The following NUP133 variants were observed in gnomAD, a reference collection of about 807,000 sequenced individuals.
NUP133 encodes the protein nucleoporin 133, also known as nuclear pore complex protein Nup133.
Under a neutral mutation model 146.2 loss-of-function variants are expected in NUP133, and 66 were observed. The ratio of observed to expected loss-of-function variants is 0.45; its 90% CI spans 0.37 to 0.55. The LOEUF (loss-of-function observed/expected upper bound fraction) is 0.55. NUP133 is among the 20% of genes least tolerant of loss of function. NUP133 has a pLI of 0.00. For synonymous variants in NUP133, 521 were observed against 498.8 expected, an observed-to-expected ratio of 1.04 and a Z score of -0.59; for missense variants, 1,277 against 1,374.8, an observed-to-expected ratio of 0.93 and a Z score of 1.12.
rs1661936427 is a variant in NUP133 at position 229,506,371 on chromosome 1, G to T, written c.183-213C>A. Among the ~76,000 whole-genome samples, 2 of 147,752 alleles carry T rather than the reference G, an allele frequency of 1.4e-5. 1 individual carries two copies. The highest frequency in any genetic ancestry group is 4.3e-4 in the South Asian group (2 of 4,696). The stretch of plus-strand genomic sequence containing the variant: ...CTTCAATCCCATAGACTCTAGTATT[G>T]AAATGCATGCCTGTATTCACTTAAA... On this transcript the variant is annotated intron_variant, in intron 1 of 25. Transcript: ENST00000261396.
intron 11 of NUP133, among the ~76,000 whole-genome samples, chr1:229,484,484 C>T (rs1661298603): frequency 6.6e-6 from 1 of 152,150 alleles, no homozygotes; most frequent in Non-Finnish European, 1.5e-5. Context: ...AAGCTTGGTC[C>T]ATACCAATTA....
At chr1:229,487,669 T>C (rs1661395748) in intron 9 of NUP133, 56 bp from the exon 10 acceptor site, 35 of 1,347,760 alleles carry the variant, frequency 2.6e-5, no homozygotes, top group Non-Finnish European at 3.2e-5. Context: ...AATATTTGTA[T>C]GATTTTTTAA....
chr1:229,482,985 T>G (rs1027191730), intron 12 of NUP133, among the ~76,000 whole-genome samples: 1 of 152,196 alleles, frequency 6.6e-6, no homozygotes, highest in Admixed American at 6.5e-5. Flanking sequence ...AAAGTAAAAC[T>G]GCCCCGAGTC....
intron 10 of NUP133, among the ~76,000 whole-genome samples, 156 bp downstream of exon 10, chr1:229,487,309 AG>A (rs1661378385): frequency 6.6e-6 from 1 of 152,118 alleles, no homozygotes. Flanking sequence ...TTGGTTTCTT[AG>A]TAGGGTTATG....
intron 11 of NUP133, among the ~76,000 whole-genome samples, chr1:229,485,667 G>A (rs529533249): frequency 6.6e-6 from 1 of 152,264 alleles, no homozygotes; most frequent in African/African-American, 2.4e-5. Flanking sequence ...ATCAACAGAT[G>A]CATCAGGAGA....
chr1:229,448,810 G>T, intron 24 of NUP133: 1 of 350,330 alleles, frequency 2.9e-6, no homozygotes, highest in Non-Finnish European at 5.2e-6. Flanking sequence ...CAAACCCAAG[G>T]AGGGGGTTGT....
intron 20 of NUP133, 98 bp from the exon 21 acceptor site, chr1:229,458,394 G>T: frequency 8.4e-7 from 1 of 1,191,842 alleles, no homozygotes; most frequent in African/African-American, 1.5e-5. Flanking sequence ...CCCCTAAGCC[G>T]TATCAATGAA....
At chr1:229,487,838 A>ATTTT (rs10565327) in intron 9 of NUP133, among the ~76,000 whole-genome samples, 10 of 118,162 alleles carry the variant, frequency 8.5e-5, no homozygotes, top group South Asian at 2.6e-4. Flanking sequence ...TGCTTTTTTA[A>ATTTT]TTTTTTTTTT....
intron 20 of NUP133, 110 bp from the exon 21 acceptor site, chr1:229,458,406 G>T: frequency 9.4e-7 from 1 of 1,063,334 alleles, no homozygotes; most frequent in Non-Finnish European, 1.3e-6. Flanking sequence ...ATCAATGAAT[G>T]AGAAGTCAAC....
At position 229,464,735 on chromosome 1, in the gene NUP133, C is replaced by A. The variant is rs1253715546; in HGVS notation, c.2440G>T (p.Asp814Tyr). Residue 814 changes from aspartate to tyrosine, a missense_variant, in exon 18 of 26, where the codon GAT becomes TAT. By Grantham distance (160) the Asp-to-Tyr change is radical. This residue lies in a region of NUP133 where 952 missense variants were observed against 1,047.0 expected (regional missense o/e 0.91). Coordinates refer to ENST00000261396, the MANE Select transcript of NUP133 (RefSeq NM_018230.3). Reference sequence around the variant, plus strand: ...GACTTAAGCTGAGAAACATAACCATCCAGGAAGCAATCGATCAGGGCTACC... The same window carrying A: ...GACTTAAGCTGAGAAACATAACCATACAGGAAGCAATCGATCAGGGCTACC... ...QLVALIDCFL[D>Y]GYVSQLKSVD... The A allele has an allele frequency of 6.2e-7, 1 of 1,614,068 alleles. No individual in the cohort carries two copies. Among genetic ancestry groups the A allele is most frequent in the Non-Finnish European group, 8.5e-7 (1 of 1,180,056 alleles).
In NUP133 at chr1:229,494,445, T is replaced by G. The variant is rs146562808; in HGVS notation, c.1046+1050A>C. ...GAATTTGTTCTACTAACCCAAAACA[T>G]GTAACAAGAACAGTAAAAATTACTC... On this transcript the variant is annotated intron_variant, in intron 8 of 25. Coordinates refer to ENST00000261396, the MANE Select transcript of NUP133 (RefSeq NM_018230.3). Among the ~76,000 whole-genome samples, 1,151 of 152,280 alleles carry G rather than the reference T, an allele frequency of 7.6e-3. 8 individuals carry two copies. Among genetic ancestry groups the G allele is most frequent in the Middle Eastern group, 0.034 (10 of 294 alleles).
intron 8 of NUP133, among the ~76,000 whole-genome samples, chr1:229,490,947 T>C (rs1178083089): frequency 2.2e-5 from 3 of 136,710 alleles, no homozygotes; most frequent in African/African-American, 8.2e-5. Flanking sequence ...TGACACCCCA[T>C]CTTAAAAAAA....
chr1:229,463,400 C>T (rs1479162674), intron 19 of NUP133, 143 bp downstream of exon 19: 4 of 947,438 alleles, frequency 4.2e-6, no homozygotes, highest in African/African-American at 1.7e-5. Context: ...ACGCGACATA[C>T]AAATTAGTAT....
intron 12 of NUP133, 88 bp downstream of exon 12, chr1:229,483,966 C>G: frequency 1.2e-6 from 1 of 851,590 alleles, no homozygotes; most frequent in Non-Finnish European, 1.9e-6. Context: ...ATTCCTCCAA[C>G]TTGCTCCCAC....
At chr1:229,477,893 T>C in intron 12 of NUP133, 133 bp from the exon 13 acceptor site, 1 of 619,874 alleles carries the variant, frequency 1.6e-6, no homozygotes, top group Non-Finnish European at 2.8e-6. Context: ...ACAGTAGGGA[T>C]GGAACTGGAG....
In NUP133 at chr1:229,441,798, T is replaced by G; in HGVS notation, c.*106A>C. 2.2e-6 allele frequency: 2 copies of G among 905,904 alleles called. No individual in the cohort carries two copies. Among genetic ancestry groups the G allele is most frequent in the Non-Finnish European group, 3.3e-6 (2 of 603,036 alleles). The allele number at this position is 905,904 out of a possible 1,614,324, so 56.1% of individuals were successfully genotyped here. A position where few individuals can be genotyped will look rare whatever the true frequency, so the allele number is the denominator to read the frequency against. ...TACATATAAAGTATAAAAACTCAGC[T>G]ATACATGTTATGAAATTGTACAAAC... On this transcript the variant is annotated 3_prime_UTR_variant, in exon 26 of 26. Transcript: ENST00000261396.
intron 20 of NUP133, among the ~76,000 whole-genome samples, 188 bp from the exon 21 acceptor site, chr1:229,458,484 T>C (rs988204977): frequency 6.6e-6 from 1 of 152,098 alleles, no homozygotes; most frequent in African/African-American, 2.4e-5. Context: ...ATATCAACCA[T>C]CCTCACTAAA....
At chr1:229,481,811 G>C (rs938973868) in intron 12 of NUP133, among the ~76,000 whole-genome samples, 1 of 152,140 alleles carries the variant, frequency 6.6e-6, no homozygotes, top group African/African-American at 2.4e-5. Context: ...CCGGAGCTGA[G>C]AGAGGTGAAG....
intron 25 of NUP133, among the ~76,000 whole-genome samples, chr1:229,442,800 G>C (rs754534138): frequency 6.6e-6 from 1 of 150,960 alleles, no homozygotes; most frequent in Non-Finnish European, 1.5e-5. Context: ...CTGCCTTCTG[G>C]GTTCAAGCGA....
Sources: gnomAD v4.1 joint callset for allele counts (sites outside exome capture counted in the v4.1 genomes callset) on GRCh38, gnomAD v4.1.1 for gene constraint, gnomAD v4.1.1 regional missense constraint, MANE v1.5 for transcripts, NCBI Gene and HGNC (gene_info 2026-07-23, HGNC 2026-07-21) for gene names.